Variants in IHO1 observed in about 807,000 individuals in gnomAD.
IHO1 encodes the protein interactor of HORMAD1 1.
Under a neutral mutation model 31.0 loss-of-function variants are expected in IHO1, and 13 were observed. The ratio of observed to expected loss-of-function variants is 0.42; its 90% CI spans 0.27 to 0.67. The LOEUF (loss-of-function observed/expected upper bound fraction) is 0.67. Ranked by LOEUF, IHO1 falls within the 30% of genes least tolerant of loss-of-function variation. The probability of loss-of-function intolerance (pLI) is 0.24; values close to 1 mark genes in which losing one functional copy is unlikely to be tolerated. For missense variants in IHO1, 599 were observed against 687.5 expected (o/e 0.87, Z 1.44); for synonymous variants, 221 against 248.4 (o/e 0.89, Z 1.04).
chr3:49,202,767 C>T (rs1261252612), intron 1 of IHO1, among the ~76,000 whole-genome samples: 1 of 151,988 alleles, frequency 6.6e-6, no homozygotes, highest in Non-Finnish European at 1.5e-5. Flanking sequence ...CCTCCGCCTC[C>T]TGGGTTCAAG....
intron 2 of IHO1, among the ~76,000 whole-genome samples, chr3:49,221,154 G>A (rs2046351046): frequency 6.7e-6 from 1 of 149,698 alleles, no homozygotes; most frequent in Non-Finnish European, 1.5e-5. Flanking sequence ...TTTTTACAGA[G>A]TGCTGATTGG....
chr3:49,215,083 C>T (rs1182642645), intron 2 of IHO1, among the ~76,000 whole-genome samples: 2 of 150,262 alleles, frequency 1.3e-5, no homozygotes, highest in Non-Finnish European at 3.0e-5. Flanking sequence ...TGGAGTCTCA[C>T]TCTGTTGCCC....
rs1017742586 is a variant in IHO1 at position 49,244,566 on chromosome 3, T to A, written c.445-80T>A. ...ATAGCAATATTTTAACTATCCCTAT[T>A]TATCATGAAATGACAATTCTCTAAG... On this transcript the variant is annotated intron_variant, in intron 5 of 7. Transcript: ENST00000452691. The A allele has an allele frequency of 5.1e-6, 7 of 1,375,270 alleles. No individual in the cohort carries two copies. In the African/African-American group the frequency reaches 8.7e-5, roughly 17 times the overall value. The allele number at this position is 1,375,270 out of a possible 1,614,324, so 85.2% of individuals were successfully genotyped here.
At chr3:49,254,374 C>A (rs2046798681) in intron 6 of IHO1, among the ~76,000 whole-genome samples, 1 of 151,952 alleles carries the variant, frequency 6.6e-6, no homozygotes, top group East Asian at 1.9e-4. Context: ...CACCTAGGTC[C>A]CCAAGTCTAT....
intron 1 of IHO1, among the ~76,000 whole-genome samples, chr3:49,200,775 G>A (rs765590872): frequency 8.5e-5 from 13 of 152,086 alleles, no homozygotes; most frequent in Non-Finnish European, 1.5e-4. Context: ...TGGAATGACC[G>A]TGTTCCACCT....
chr3:49,200,665 G>C (rs1325983321), intron 1 of IHO1: 10 of 667,712 alleles, frequency 1.5e-5, no homozygotes, highest in Non-Finnish European at 1.9e-5. Flanking sequence ...TCCATTCCTT[G>C]CATGCACTCA....
chr3:49,244,041 G>A (rs1284252018), intron 4 of IHO1, among the ~76,000 whole-genome samples: 7 of 150,196 alleles, frequency 4.7e-5, no homozygotes, highest in Admixed American at 1.3e-4. Context: ...TGCAACCTCC[G>A]CCTCCCAGGT....
intron 1 of IHO1, among the ~76,000 whole-genome samples, chr3:49,210,436 C>T (rs1406256711): frequency 1.3e-5 from 2 of 151,340 alleles, no homozygotes; most frequent in African/African-American, 2.4e-5. Context: ...CTCACTCGAT[C>T]GCCCAGGCTG....
intron 6 of IHO1, among the ~76,000 whole-genome samples, chr3:49,246,367 G>A (rs1053923789): frequency 1.3e-5 from 2 of 151,894 alleles, no homozygotes; most frequent in South Asian, 2.1e-4. Flanking sequence ...TGGGTGGGCC[G>A]GGCACAGTGG....
At chr3:49,229,547 G>C (rs2046457785) in intron 2 of IHO1, among the ~76,000 whole-genome samples, 1 of 152,142 alleles carries the variant, frequency 6.6e-6, no homozygotes, top group Non-Finnish European at 1.5e-5. Context: ...TAAATGAACA[G>C]GATTATTTGG....
rs747005878 is a variant in IHO1 at position 49,256,533 on chromosome 3, A to C, written c.1036A>C (p.Arg346=). 22 of 1,614,194 alleles carry C rather than the reference A, an allele frequency of 1.4e-5. No individual in the cohort carries two copies. Among genetic ancestry groups the C allele is most frequent in the Non-Finnish European group, 1.8e-5 (21 of 1,180,030 alleles). The stretch of plus-strand genomic sequence containing the variant: ...AGCATTTGGGTCCCATGAAAGAAAT[A>C]GGCATGTAAAGGACAAGGTGGTGCA... ...LPAFGSHERN[R]HVKDKVVQTN... is the part of the protein sequence containing the mutation. Residue 346 remains arginine, a synonymous_variant, in exon 8 of 8, where the codon AGG becomes CGG. Coordinates refer to ENST00000452691, the MANE Select transcript of IHO1 (RefSeq NM_001135197.2). The surrounding 1 kb of genome is among the most constrained non-coding windows in gnomAD (Gnocchi z 4.6).
At chr3:49,237,240 C>T (rs1489886817) in intron 3 of IHO1, among the ~76,000 whole-genome samples, 15 of 151,550 alleles carry the variant, frequency 9.9e-5, no homozygotes, top group East Asian at 1.9e-4. Context: ...CCCAGCTACT[C>T]GGGAGGCTGA....
intron 1 of IHO1, among the ~76,000 whole-genome samples, chr3:49,202,851 A>AT (rs71077774): frequency 0.37 from 33,380 of 90,326 alleles, 7,543 homozygotes; most frequent in Non-Finnish European, 0.48. Context: ...AATTTTTTGT[A>AT]TTTTTTTTTT....
At chr3:49,244,547 A>G in intron 5 of IHO1, 95 bp downstream of exon 5, 2 of 1,295,420 alleles carry the variant, frequency 1.5e-6, no homozygotes, top group Non-Finnish European at 2.2e-6. Context: ...TAGAATAGCA[A>G]TATTTTAACT....
In IHO1 at chr3:49,200,497, A is replaced by AAGAAAGAAAG. The variant is rs2046050222; in HGVS notation, c.-16+926_-16+935dup. ...AAAAAAAGAAAGAAAGAAAGAAAGA[A>AAGAAAGAAAG]AGAAAGAAAGAAAGAAAGAAAAGAA... On this transcript the variant is annotated intron_variant, in intron 1 of 7. Transcript: ENST00000452691. The AAGAAAGAAAG allele has an allele frequency of 3.7e-6, 3 of 800,614 alleles. No homozygotes were observed. The South Asian group carries it at 1.8e-4, about 47-fold the overall frequency. 49.6% of individuals were successfully genotyped at this position (800,614 alleles called of 1,614,324 possible).
intron 2 of IHO1, among the ~76,000 whole-genome samples, chr3:49,226,587 C>T (rs990640865): frequency 1.3e-5 from 2 of 152,152 alleles, no homozygotes; most frequent in Non-Finnish European, 2.9e-5. Flanking sequence ...GGGATCCATA[C>T]TGGGGATAGC....
chr3:49,250,305 AT>A (rs1196381965), intron 6 of IHO1, among the ~76,000 whole-genome samples: 4 of 152,192 alleles, frequency 2.6e-5, no homozygotes, highest in Admixed American at 2.0e-4. Context: ...TCATAACTAA[AT>A]TTTTTTAAAA....
At chr3:49,251,983 C>A (rs533737305) in intron 6 of IHO1, 1 of 151,990 alleles carries the variant, frequency 6.6e-6, no homozygotes, top group Non-Finnish European at 1.5e-5. Context: ...AGGCATCTGC[C>A]GCCACACCCG....
chr3:49,255,707 C>T lies in IHO1; in HGVS notation c.636+214C>T, dbSNP rs1288659469. On this transcript the variant is annotated intron_variant, in intron 7 of 7. Coordinates refer to ENST00000452691, the MANE Select transcript of IHO1 (RefSeq NM_001135197.2). Reference sequence around the variant, plus strand: ...TAGGACTTACAGGTGTGCACCACCACGCCCAGCTAATTTTTGTATTTTTAG... The same window carrying T: ...TAGGACTTACAGGTGTGCACCACCATGCCCAGCTAATTTTTGTATTTTTAG... Among the ~76,000 whole-genome samples the T allele has an allele frequency of 6.6e-5, 10 of 151,868 alleles. 1 individual carries two copies. Among genetic ancestry groups the T allele is most frequent in the African/African-American group, 1.2e-4 (5 of 41,326 alleles).
Sources: allele counts gnomAD v4.1 joint callset (sites outside exome capture counted in the v4.1 genomes callset), GRCh38; gene constraint gnomAD v4.1.1; non-coding constraint Gnocchi (gnomAD v3.1); transcripts MANE v1.5; gene names NCBI Gene and HGNC (gene_info 2026-07-23, HGNC 2026-07-21).